USH2A: variants seen among roughly 807,000 people sequenced by gnomAD.
The protein encoded by USH2A is Usher syndrome 2A (autosomal recessive, mild).
USH2A carries 443 observed loss-of-function variants against 538.9 expected under a neutral mutation model. The ratio of observed to expected loss-of-function variants is 0.82; its 90% CI spans 0.76 to 0.89. USH2A has a LOEUF of 0.89. Among genes scored for constraint, USH2A ranks in the 40% least tolerant of loss-of-function variants. USH2A has a pLI of 0.00. For synonymous variants in USH2A, 2,413 were observed against 2,273.5 expected (o/e 1.06, Z -1.75); for missense variants, 6,633 against 6,324.8 (o/e 1.05, Z -1.65).
chr1:215,680,429 A>G, intron 61 of USH2A, 53 bp from the exon 62 acceptor site: 6 of 1,567,036 alleles, frequency 3.8e-6, no homozygotes, highest in Non-Finnish European at 5.3e-6. Context: ...GAAACTGACA[A>G]TATTGCTGGA....
At chr1:215,810,942 A>G (rs1037332556) in intron 49 of USH2A, among the ~76,000 whole-genome samples, 1 of 151,922 alleles carries the variant, frequency 6.6e-6, no homozygotes, top group Non-Finnish European at 1.5e-5. Flanking sequence ...TTTTTTTTCT[A>G]TTAATTATAA....
At chr1:215,627,409 CT>C in intron 71 of USH2A, among the ~76,000 whole-genome samples, 1 of 104,672 alleles carries the variant, frequency 9.6e-6, no homozygotes, top group Non-Finnish European at 2.0e-5. Flanking sequence ...TCCTTCCTTC[CT>C]TCCTTCCTTC....
chr1:216,099,319 T>C (rs1045239105), intron 21 of USH2A, among the ~76,000 whole-genome samples: 1 of 152,182 alleles, frequency 6.6e-6, no homozygotes, highest in East Asian at 1.9e-4. Context: ...ACTCTTCCAC[T>C]CCACAGAATA....
intron 38 of USH2A, among the ~76,000 whole-genome samples, chr1:215,916,719 A>G (rs940532390): frequency 6.6e-6 from 1 of 152,120 alleles, no homozygotes; most frequent in Non-Finnish European, 1.5e-5. Context: ...TAGGAGTAAT[A>G]TAGAAAGGGG....
intron 30 of USH2A, among the ~76,000 whole-genome samples, chr1:216,067,627 T>C (rs368290197): frequency 5.3e-4 from 80 of 151,950 alleles, no homozygotes; most frequent in Middle Eastern, 3.4e-3. Context: ...TTTTGAAAAA[T>C]AGAATGACAA....
intron 14 of USH2A, among the ~76,000 whole-genome samples, chr1:216,231,244 A>ATG (rs1418159788): frequency 4.7e-5 from 3 of 64,294 alleles, no homozygotes; most frequent in African/African-American, 1.7e-4. Context: ...ATATATATAT[A>ATG]TATATTATAT....
At chr1:216,031,873 A>C (rs1475594402) in intron 32 of USH2A, among the ~76,000 whole-genome samples, 3 of 152,290 alleles carry the variant, frequency 2.0e-5, no homozygotes, top group Middle Eastern at 3.4e-3. Context: ...GTGACTACGC[A>C]ACCATGGTCC....
intron 26 of USH2A, chr1:216,079,897 A>G (rs535683840): frequency 1.2e-4 from 18 of 152,170 alleles, no homozygotes; most frequent in Non-Finnish European, 1.6e-4. Flanking sequence ...GACCTGGTAA[A>G]AAAGGTAAAT....
chr1:215,929,783 C>G (rs1025650231), intron 38 of USH2A, among the ~76,000 whole-genome samples: 7 of 152,072 alleles, frequency 4.6e-5, no homozygotes, highest in Non-Finnish European at 8.8e-5. Context: ...CTCATAGTCA[C>G]TCAAGCAGTG....
At chr1:215,761,788 A>G (rs1660989319) in intron 56 of USH2A, among the ~76,000 whole-genome samples, 1 of 152,170 alleles carries the variant, frequency 6.6e-6, no homozygotes, top group Non-Finnish European at 1.5e-5. Flanking sequence ...GCCAGCAGTG[A>G]GAAAGTTCAG....
chr1:216,412,382 G>A (rs1282214727), intron 3 of USH2A, among the ~76,000 whole-genome samples: 1 of 151,980 alleles, frequency 6.6e-6, no homozygotes, highest in Non-Finnish European at 1.5e-5. Flanking sequence ...GTATTTTATT[G>A]TAATAAGGGT....
chr1:215,927,063 T>C (rs892295087), intron 38 of USH2A, among the ~76,000 whole-genome samples: 1 of 152,202 alleles, frequency 6.6e-6, no homozygotes, highest in African/African-American at 2.4e-5. Flanking sequence ...CTGTATTTTT[T>C]AAACCTGTGA....
chr1:215,883,135 A>T (rs1352674180), intron 41 of USH2A, among the ~76,000 whole-genome samples: 1 of 152,158 alleles, frequency 6.6e-6, no homozygotes, highest in East Asian at 1.9e-4. Flanking sequence ...ACTTTATGTG[A>T]GGTATGAATG....
intron 36 of USH2A, among the ~76,000 whole-genome samples, chr1:215,970,119 G>C (rs1012407414): frequency 6.6e-6 from 1 of 152,082 alleles, no homozygotes; most frequent in African/African-American, 2.4e-5. Flanking sequence ...AGCTGATATT[G>C]ATGTAATTTT....
intron 61 of USH2A, among the ~76,000 whole-genome samples, chr1:215,707,325 C>A (rs1185134259): frequency 1.3e-5 from 2 of 152,164 alleles, no homozygotes; most frequent in African/African-American, 4.8e-5. Flanking sequence ...AAACAGCAGT[C>A]AACTTAGAAG....
intron 4 of USH2A, among the ~76,000 whole-genome samples, chr1:216,364,602 AGAG>A (rs1349782129): frequency 6.6e-6 from 1 of 152,158 alleles, no homozygotes; most frequent in Non-Finnish European, 1.5e-5. Flanking sequence ...GAGAAGATTC[AGAG>A]GAGAAGGCCA....
chr1:216,166,638 G>A (rs2034174612), intron 21 of USH2A, among the ~76,000 whole-genome samples: 1 of 152,062 alleles, frequency 6.6e-6, no homozygotes, highest in Non-Finnish European at 1.5e-5. Context: ...TTAATAGAAT[G>A]GGAGGAAATG....
At chr1:215,863,629 A>G (rs1402735963) in intron 44 of USH2A, among the ~76,000 whole-genome samples, 3 of 151,654 alleles carry the variant, frequency 2.0e-5, no homozygotes, top group Non-Finnish European at 4.4e-5. Flanking sequence ...ATCTGTGAGG[A>G]AGGAAGGAAA....
chr1:216,117,162 G>T (rs2033027967), intron 21 of USH2A, among the ~76,000 whole-genome samples: 1 of 152,042 alleles, frequency 6.6e-6, no homozygotes, highest in African/African-American at 2.4e-5. Flanking sequence ...TACTAAAATG[G>T]CATTGTGGAG....
Sources: allele counts gnomAD v4.1 joint callset (sites outside exome capture counted in the v4.1 genomes callset), GRCh38; gene constraint gnomAD v4.1.1; transcripts MANE v1.5; gene names NCBI Gene and HGNC (gene_info 2026-07-23, HGNC 2026-07-21).